Variants in NTMT2 observed in about 807,000 individuals in gnomAD.
NTMT2 encodes N-terminal Xaa-Pro-Lys N-methyltransferase 2, also known as X-Pro-Lys N-terminal protein methyltransferase 1B.
A neutral mutation model predicts 23.4 loss-of-function variants in NTMT2; 21 were observed. The ratio of observed to expected loss-of-function variants is 0.90; its 90% CI spans 0.64 to 1.29. The LOEUF (loss-of-function observed/expected upper bound fraction) is 1.29. NTMT2 is among the 50% of genes most tolerant of loss of function. The pLI, the probability that NTMT2 is intolerant of heterozygous loss-of-function variation, is 0.00. For synonymous variants in NTMT2, 131 were observed against 127.7 expected, an observed-to-expected ratio of 1.03 and a Z score of -0.17; for missense variants, 336 against 352.0, an observed-to-expected ratio of 0.95 and a Z score of 0.36.
chr1:170,149,623 C>T (rs1673029267), intron 1 of NTMT2, among the ~76,000 whole-genome samples: 1 of 152,130 alleles, frequency 6.6e-6, no homozygotes, highest in Admixed American at 6.5e-5. Context: ...AATTGCAGAT[C>T]AGCAAAGTTC....
At chr1:170,149,005 A>G (rs1274986305) in intron 1 of NTMT2, among the ~76,000 whole-genome samples, 1 of 152,238 alleles carries the variant, frequency 6.6e-6, no homozygotes, top group Non-Finnish European at 1.5e-5. Context: ...GCTACAGGGA[A>G]AAATATTGTA....
intron 1 of NTMT2, among the ~76,000 whole-genome samples, chr1:170,158,730 A>G (rs559201573): frequency 4.1e-4 from 62 of 151,916 alleles, no homozygotes; most frequent in African/African-American, 1.4e-3. Flanking sequence ...TAGTCTTCTT[A>G]TTTCTGTTTT....
chr1:170,166,828 C>T (rs1160666134), intron 3 of NTMT2, 77 bp downstream of exon 3: 2 of 1,483,026 alleles, frequency 1.3e-6, no homozygotes, highest in Non-Finnish European at 1.8e-6. Context: ...CTAATGAGGG[C>T]ACCAGGGAAG....
At chr1:170,153,134 C>G (rs1673102200) in intron 1 of NTMT2, among the ~76,000 whole-genome samples, 1 of 152,208 alleles carries the variant, frequency 6.6e-6, no homozygotes, top group Non-Finnish European at 1.5e-5. Flanking sequence ...AGAAGCTGAG[C>G]AGATGCCAGT....
At chr1:170,162,272 A>G (rs1444103304) in intron 2 of NTMT2, among the ~76,000 whole-genome samples, 1 of 152,208 alleles carries the variant, frequency 6.6e-6, no homozygotes, top group Non-Finnish European at 1.5e-5. Flanking sequence ...TTATTCTGAT[A>G]AAGGAAACAT....
intron 1 of NTMT2, among the ~76,000 whole-genome samples, chr1:170,147,129 A>G (rs1254394297): frequency 6.6e-6 from 1 of 152,226 alleles, no homozygotes; most frequent in Non-Finnish European, 1.5e-5. Flanking sequence ...CTGTCGAAGC[A>G]GCTACATAAT....
In NTMT2 at chr1:170,167,935, C is replaced by A; in HGVS notation, c.*178C>A. On this transcript the variant is annotated 3_prime_UTR_variant, in exon 4 of 4. Coordinates refer to ENST00000439373, the MANE Select transcript of NTMT2 (RefSeq NM_001136107.2). ...TTTCAGTGATTATATAATGCACACA[C>A]TCTGATGAGACATGCACAAATTCTG... is the stretch of plus-strand genomic sequence containing the variant. 2.9e-6 allele frequency: 2 copies of A among 686,678 alleles called. No homozygotes were observed. The highest frequency in any genetic ancestry group is 5.6e-5 in the East Asian group (2 of 35,974). The allele number at this position is 686,678 out of a possible 1,614,324, so 42.5% of individuals were successfully genotyped here. A position where few individuals can be genotyped will look rare whatever the true frequency, so the allele number is the denominator to read the frequency against.
At position 170,167,488 on chromosome 1, in the gene NTMT2, C is replaced by G; in HGVS notation, c.583C>G (p.His195Asp). Residue 195 changes from histidine (H) to aspartate (D), a missense_variant and splice_region_variant, in exon 4 of 4, where the codon CAC becomes GAC. Physicochemically the swap from His to Asp is moderately conservative, Grantham distance 81. Coordinates refer to ENST00000439373, the MANE Select transcript of NTMT2 (RefSeq NM_001136107.2). ...DVIWIQWVSG[H>D]LTDKDLLAFL... ...CATCCACTTGGTCTCCCTTGTAGGG[C>G]ACCTGACTGATAAGGACCTTCTTGC... 3 of 1,546,338 alleles carry G rather than the reference C, an allele frequency of 1.9e-6. No individual in the cohort carries two copies. The South Asian group carries it at 3.6e-5, about 19-fold the overall frequency.
In NTMT2 at chr1:170,159,420, G is replaced by GTTTTTTTTTTTTTTTTTTTTT. The variant is rs1673225599; in HGVS notation, c.155-1098_155-1097insTTTTTTTTTTTTTTTTTTTTT. Among the ~76,000 whole-genome samples, 6 of 88,194 alleles carry GTTTTTTTTTTTTTTTTTTTTT rather than the reference G, an allele frequency of 6.8e-5. 1 individual carries two copies. Among genetic ancestry groups the GTTTTTTTTTTTTTTTTTTTTT allele is most frequent in the Admixed American group, 1.4e-4 (1 of 6,948 alleles). 57.9% of individuals were successfully genotyped at this position (88,194 alleles called of 152,430 possible). A position where few individuals can be genotyped will look rare whatever the true frequency, so the allele number is the denominator to read the frequency against. Reference sequence around the variant, plus strand: ...TGGACAGAGTTTTGATTTATGCTCTGGTTTTTTTTTTTTTTTTTTTTTTTT... The same window carrying GTTTTTTTTTTTTTTTTTTTTT: ...TGGACAGAGTTTTGATTTATGCTCTGTTTTTTTTTTTTTTTTTTTTTGTTTTTTTTTTTTTTTTTTTTTTTT... On this transcript the variant is annotated intron_variant, in intron 1 of 3. Coordinates refer to ENST00000439373, the MANE Select transcript of NTMT2 (RefSeq NM_001136107.2).
At chr1:170,156,819 G>A (rs989950430) in intron 1 of NTMT2, among the ~76,000 whole-genome samples, 1 of 151,862 alleles carries the variant, frequency 6.6e-6, no homozygotes, top group Non-Finnish European at 1.5e-5. Flanking sequence ...TGAGTCTGAC[G>A]CCTGCTGAGA....
intron 1 of NTMT2, among the ~76,000 whole-genome samples, chr1:170,153,358 G>T (rs758801195): frequency 1.3e-5 from 2 of 152,240 alleles, no homozygotes; most frequent in Non-Finnish European, 2.9e-5. Context: ...TGGGTAATGG[G>T]AAGAGGTTGG....
chr1:170,163,862 C>T (rs1042031625), intron 2 of NTMT2, among the ~76,000 whole-genome samples: 9 of 152,140 alleles, frequency 5.9e-5, no homozygotes, highest in Non-Finnish European at 1.0e-4. Context: ...GGGTTCACAC[C>T]TGTAATCCCA....
rs947203018 is a variant in NTMT2 at position 170,167,711 on chromosome 1, G to T, written c.806G>T (p.Cys269Phe). 5.7e-5 allele frequency: 88 copies of T among 1,551,266 alleles called. No individual in the cohort carries two copies. The highest frequency in any genetic ancestry group is 6.8e-5 in the Non-Finnish European group (78 of 1,146,918). ...AAGCAGGATGGCTTCCCAGAGCAGTGCATCCCCGTGTGGATGTTCGCACTG... is the reference window on the plus strand; with the variant it reads ...AAGCAGGATGGCTTCCCAGAGCAGTTCATCCCCGTGTGGATGTTCGCACTG... The part of the protein sequence containing the change: ...QEKQDGFPEQ[C>F]IPVWMFALHS... Residue 269 changes from cysteine to phenylalanine, a missense_variant, in exon 4 of 4, where the codon TGC becomes TTC. Cys to Phe is a radical substitution (Grantham distance 205). Transcript: ENST00000439373.
rs57166192 is a variant in NTMT2, at chr1:170,168,240, C to CAAAAAAAAAA, written c.*488_*497dup. 8.6e-6 allele frequency among the ~76,000 whole-genome samples: 1 copy of CAAAAAAAAAA among 116,816 alleles called. No individual in the cohort carries two copies. Among genetic ancestry groups the CAAAAAAAAAA allele is most frequent in the African/African-American group, 3.0e-5 (1 of 33,794 alleles). 76.6% of individuals were successfully genotyped at this position (116,816 alleles called of 152,430 possible). ...CAGATAAAGCATTTGTCTACTCAAA[C>CAAAAAAAAAA]AAAAAAAAAAAAAAGAAAAAGAAAC... On this transcript the variant is annotated 3_prime_UTR_variant, in exon 4 of 4. Transcript: ENST00000439373.
intron 2 of NTMT2, among the ~76,000 whole-genome samples, chr1:170,162,550 T>C (rs969423043): frequency 3.9e-5 from 6 of 152,236 alleles, no homozygotes; most frequent in African/African-American, 1.4e-4. Context: ...GGAGTATTTC[T>C]AAATCAGTGC....
chr1:170,162,594 A>G (rs1305029655), intron 2 of NTMT2, among the ~76,000 whole-genome samples: 1 of 152,216 alleles, frequency 6.6e-6, no homozygotes, highest in African/African-American at 2.4e-5. Context: ...TGGTTCTGAG[A>G]GAGTCAATCT....
intron 1 of NTMT2, among the ~76,000 whole-genome samples, chr1:170,146,766 CAGAG>C (rs1672971694): frequency 6.6e-6 from 1 of 152,096 alleles, no homozygotes; most frequent in Non-Finnish European, 1.5e-5. Context: ...CAAGAATAGT[CAGAG>C]AGCCTAAAAA....
At chr1:170,146,774 CT>C (rs1431531779) in intron 1 of NTMT2, among the ~76,000 whole-genome samples, 2 of 152,146 alleles carry the variant, frequency 1.3e-5, no homozygotes, top group Non-Finnish European at 2.9e-5. Context: ...GTCAGAGAGC[CT>C]AAAAAAAGGA....
chr1:170,158,260 T>C (rs1454718266), intron 1 of NTMT2: 4 of 152,124 alleles, frequency 2.6e-5, no homozygotes, highest in Non-Finnish European at 1.5e-5. Context: ...CTTTTGAACA[T>C]AGAGTTGCCA....
Sources: gnomAD v4.1 joint callset for allele counts (sites outside exome capture counted in the v4.1 genomes callset) on GRCh38, gnomAD v4.1.1 for gene constraint, MANE v1.5 for transcripts, NCBI Gene and HGNC (gene_info 2026-07-23, HGNC 2026-07-21) for gene names.